Variants in SMPD3 observed in about 807,000 individuals in gnomAD.
SMPD3 encodes the protein nSMase-2.
In SMPD3, 21 loss-of-function variants were observed where a neutral mutation model predicts 55.7. The observed-to-expected ratio is 0.38, with a 90% CI of 0.27 to 0.54. The LOEUF (loss-of-function observed/expected upper bound fraction) is 0.54. Among genes scored for constraint, SMPD3 ranks in the 20% least tolerant of loss-of-function variants. SMPD3 has a pLI of 0.80. For missense variants in SMPD3, 842 were observed against 899.6 expected, an observed-to-expected ratio of 0.94 and a Z score of 0.82; for synonymous variants, 457 against 404.3, an observed-to-expected ratio of 1.13 and a Z score of -1.56.
At chr16:68,378,037 G>T (rs1479469262) in intron 2 of SMPD3, among the ~76,000 whole-genome samples, 1 of 152,190 alleles carries the variant, frequency 6.6e-6, no homozygotes, top group Admixed American at 6.5e-5. Flanking sequence ...CTTTCCTCTG[G>T]CTCATGTGCT....
chr16:68,381,536 A>G (rs1433762353), intron 2 of SMPD3, among the ~76,000 whole-genome samples: 3 of 152,138 alleles, frequency 2.0e-5, no homozygotes. Flanking sequence ...GTTGGGTGGG[A>G]TCACGTGATG....
chr16:68,409,179 T>C (rs192791357), intron 1 of SMPD3, among the ~76,000 whole-genome samples: 51 of 152,354 alleles, frequency 3.3e-4, no homozygotes, highest in Non-Finnish European at 6.2e-4. Context: ...TCCGAGCTCA[T>C]TCCTTTGCAG....
intron 1 of SMPD3, among the ~76,000 whole-genome samples, chr16:68,390,975 C>T (rs775151782): frequency 3.3e-4 from 50 of 152,302 alleles, no homozygotes; most frequent in Middle Eastern, 3.4e-3. Flanking sequence ...GTTGGTTCAA[C>T]TTGATCTTCC....
At chr16:68,421,063 G>A (rs1021712385) in intron 1 of SMPD3, among the ~76,000 whole-genome samples, 4 of 152,154 alleles carry the variant, frequency 2.6e-5, no homozygotes, top group Non-Finnish European at 5.9e-5. Flanking sequence ...TCCCATTTGA[G>A]TCAGGACCAG....
chr16:68,411,556 A>T (rs557282004), intron 1 of SMPD3, among the ~76,000 whole-genome samples: 74 of 152,260 alleles, frequency 4.9e-4, no homozygotes, highest in Non-Finnish European at 1.0e-3. Context: ...GCATGAGCTG[A>T]TGGCCAGCAG....
intron 1 of SMPD3, among the ~76,000 whole-genome samples, chr16:68,419,217 C>G (rs1055377389): frequency 1.3e-5 from 2 of 152,134 alleles, no homozygotes; most frequent in African/African-American, 4.8e-5. Flanking sequence ...AGGAAGCTGC[C>G]CAGAGCAGCT....
intron 1 of SMPD3, among the ~76,000 whole-genome samples, chr16:68,397,605 A>G (rs2090169510): frequency 6.6e-6 from 1 of 152,124 alleles, no homozygotes; most frequent in Non-Finnish European, 1.5e-5. Context: ...GATAAAATCC[A>G]TGCCCCACAT....
At chr16:68,385,186 C>T (rs1181103865) in intron 2 of SMPD3, among the ~76,000 whole-genome samples, 1 of 152,180 alleles carries the variant, frequency 6.6e-6, no homozygotes, top group Non-Finnish European at 1.5e-5. Context: ...GAGACGGAGA[C>T]TCAGAGAAGT....
In SMPD3 at chr16:68,361,320, GGA is replaced by G. The variant is rs778477162; in HGVS notation, c.1867-15_1867-14del. On this transcript the variant is annotated splice_polypyrimidine_tract_variant and intron_variant, in intron 8 of 8. Transcript: ENST00000219334. ...ATTCTTCCACCTCCTGGGGTGAGTGGGAGAGGGGAGAAACAGCCTGGTCAGAT... is the reference window on the plus strand; with the variant it reads ...ATTCTTCCACCTCCTGGGGTGAGTGGGAGGGGAGAAACAGCCTGGTCAGAT... 98 of 1,603,260 alleles carry G rather than the reference GGA, an allele frequency of 6.1e-5. No individual in the cohort carries two copies. The highest frequency in any genetic ancestry group is 9.1e-5 in the East Asian group (4 of 44,162).
chr16:68,446,988 C>T (rs914370446), intron 1 of SMPD3, among the ~76,000 whole-genome samples: 22 of 152,204 alleles, frequency 1.4e-4, no homozygotes, highest in Admixed American at 1.4e-3. Context: ...ATTTTCCATC[C>T]CGGCTCGCGC....
At chr16:68,394,762 T>G (rs1396598642) in intron 1 of SMPD3, among the ~76,000 whole-genome samples, 1 of 152,182 alleles carries the variant, frequency 6.6e-6, no homozygotes, top group Non-Finnish European at 1.5e-5. Context: ...AATATGAGAC[T>G]TTTTTTGCTT....
chr16:68,410,816 G>A (rs760104700), intron 1 of SMPD3, among the ~76,000 whole-genome samples: 13 of 152,192 alleles, frequency 8.5e-5, no homozygotes, highest in Non-Finnish European at 1.8e-4. Flanking sequence ...AAGTAATTTA[G>A]GTAAAATAAA....
At chr16:68,379,887 C>T (rs1215898567) in intron 2 of SMPD3, among the ~76,000 whole-genome samples, 2 of 152,246 alleles carry the variant, frequency 1.3e-5, no homozygotes, top group African/African-American at 4.8e-5. Flanking sequence ...TCGGGCGTGA[C>T]TGGAAAGCAA....
At chr16:68,431,985 C>G (rs1949348410) in intron 1 of SMPD3, among the ~76,000 whole-genome samples, 1 of 150,948 alleles carries the variant, frequency 6.6e-6, no homozygotes, top group African/African-American at 2.4e-5. Context: ...TGTGGTGGTG[C>G]GGGCCTGTAA....
At chr16:68,387,207 T>C (rs1384581826) in intron 1 of SMPD3, among the ~76,000 whole-genome samples, 3 of 151,586 alleles carry the variant, frequency 2.0e-5, no homozygotes, top group Non-Finnish European at 4.4e-5. Flanking sequence ...AAGAGCAACA[T>C]TGAGAGGAAC....
intron 2 of SMPD3, 89 bp from the exon 3 acceptor site, chr16:68,372,476 C>G: frequency 2.1e-6 from 1 of 476,536 alleles, no homozygotes. Context: ...CATCCCACTC[C>G]TGCTTCCCCT....
chr16:68,422,524 A>T (rs1220599574), intron 1 of SMPD3, among the ~76,000 whole-genome samples: 2 of 152,174 alleles, frequency 1.3e-5, no homozygotes, highest in Non-Finnish European at 2.9e-5. Flanking sequence ...GCTGTTGTTG[A>T]AATAAAAAAC....
chr16:68,367,228 T>G (rs117372304), intron 3 of SMPD3: 1,708 of 152,432 alleles, frequency 0.011, 21 homozygotes, highest in South Asian at 0.017. Context: ...TCCTCCTCCA[T>G]GAGGATCATC....
At chr16:68,367,916 C>A (rs2089534207) in intron 3 of SMPD3, 2 of 152,274 alleles carry the variant, frequency 1.3e-5, no homozygotes, top group African/African-American at 4.8e-5. Flanking sequence ...CAGTCCCTTC[C>A]TTCACAGAGC....
Sources: gnomAD v4.1 joint callset for allele counts (sites outside exome capture counted in the v4.1 genomes callset) on GRCh38, gnomAD v4.1.1 for gene constraint, MANE v1.5 for transcripts, NCBI Gene and HGNC (gene_info 2026-07-23, HGNC 2026-07-21) for gene names.